RAD21L1: variants seen among roughly 807,000 people sequenced by gnomAD.
RAD21L1 encodes the protein RAD21 cohesin complex component like 1, also known as double-strand-break repair protein rad21-like protein 1.
Under a neutral mutation model 69.0 loss-of-function variants are expected in RAD21L1, and 47 were observed. That is an observed-to-expected ratio of 0.68 (90% CI 0.54 to 0.87). The LOEUF is 0.87. RAD21L1 is among the 40% of genes least tolerant of loss of function. The pLI is 0.00. For missense variants in RAD21L1, 583 were observed against 647.6 expected, an observed-to-expected ratio of 0.90 and a Z score of 1.08; for synonymous variants, 177 against 205.8, an observed-to-expected ratio of 0.86 and a Z score of 1.20.
intron 5 of RAD21L1, among the ~76,000 whole-genome samples, chr20:1,237,297 G>C (rs2087518343): frequency 6.6e-6 from 1 of 152,156 alleles, no homozygotes; most frequent in South Asian, 2.1e-4. Flanking sequence ...TATCAGTGTA[G>C]TGTTGTGATT....
intron 3 of RAD21L1, chr20:1,230,597 C>A: frequency 3.1e-6 from 1 of 324,190 alleles, no homozygotes; most frequent in Non-Finnish European, 4.4e-6. Flanking sequence ...AGTCTTCAAG[C>A]TTCTTGAAGG....
chr20:1,235,646 T>TA (rs1282234520), intron 5 of RAD21L1, among the ~76,000 whole-genome samples: 68 of 152,162 alleles, frequency 4.5e-4, no homozygotes, highest in Non-Finnish European at 6.8e-4. Flanking sequence ...ACTGATCTCT[T>TA]ACTGGCTATA....
intron 12 of RAD21L1, among the ~76,000 whole-genome samples, chr20:1,247,703 C>G (rs1012761388): frequency 6.6e-6 from 1 of 152,096 alleles, no homozygotes; most frequent in Non-Finnish European, 1.5e-5. Flanking sequence ...TATTCTGGTG[C>G]TTTCTGTAAT....
At chr20:1,235,572 C>T (rs1479921664) in intron 5 of RAD21L1, among the ~76,000 whole-genome samples, 1 of 151,992 alleles carries the variant, frequency 6.6e-6, no homozygotes, top group African/African-American at 2.4e-5. Flanking sequence ...TGAAAATGTG[C>T]TTTTATTTCT....
chr20:1,232,952 G>C (rs2087422029), intron 4 of RAD21L1, among the ~76,000 whole-genome samples: 1 of 152,162 alleles, frequency 6.6e-6, no homozygotes, highest in Non-Finnish European at 1.5e-5. Context: ...TTATAAAAGA[G>C]ACCTGTAGGA....
At chr20:1,237,974 T>C in intron 5 of RAD21L1, 70 bp from the exon 6 acceptor site, 1 of 801,322 alleles carries the variant, frequency 1.2e-6, no homozygotes, top group Non-Finnish European at 1.8e-6. Context: ...CTAGATGATA[T>C]CTGAATTTCC....
intron 5 of RAD21L1, among the ~76,000 whole-genome samples, chr20:1,235,635 C>T (rs920618511): frequency 2.6e-5 from 4 of 152,150 alleles, no homozygotes; most frequent in Non-Finnish European, 5.9e-5. Flanking sequence ...CTTTAAGTAG[C>T]ACTGATCTCT....
rs1017903330 is a variant in RAD21L1 at position 1,248,701 on chromosome 20, C to T, written c.1477C>T (p.Arg493Trp). The change falls in exon 13 of 14, where the codon CGG becomes TGG. Residue 493 changes from arginine (R) to tryptophan (W), a missense_variant and splice_region_variant. Transcript: ENST00000683101. ...AATACTTCAGATGTTAAATCGTTTA[C>T]GGGTGAGATGCTAGGGTTTGTCAAC... ...GRILQMLNRL[R>W]ESNKMGMQSF... The T allele has an allele frequency of 1.5e-5, 22 of 1,508,134 alleles. No homozygotes were observed. Among genetic ancestry groups the T allele is most frequent in the South Asian group, 3.8e-5 (3 of 79,908 alleles). 93.4% of individuals were successfully genotyped at this position (1,508,134 alleles called of 1,614,324 possible). A position where few individuals can be genotyped will look rare whatever the true frequency, so the allele number is the denominator to read the frequency against.
chr20:1,254,158 G>A, intron 13 of RAD21L1, 111 bp from the exon 14 acceptor site: 1 of 675,830 alleles, frequency 1.5e-6, no homozygotes, highest in South Asian at 2.6e-5. Flanking sequence ...GGATTTTATA[G>A]TCATTTATCC....
chr20:1,242,321 C>T (rs2087622846), intron 8 of RAD21L1, among the ~76,000 whole-genome samples: 2 of 152,284 alleles, frequency 1.3e-5, no homozygotes, highest in Middle Eastern at 3.4e-3. Context: ...CAACCTCTGC[C>T]ACTCAGGCTC....
intron 11 of RAD21L1, among the ~76,000 whole-genome samples, chr20:1,244,993 C>A (rs571042319): frequency 2.0e-5 from 3 of 152,272 alleles, no homozygotes; most frequent in African/African-American, 7.2e-5. Flanking sequence ...CTCTCCCTCA[C>A]TTGGGCTCAG....
intron 4 of RAD21L1, 57 bp downstream of exon 4, chr20:1,231,676 T>A: frequency 1.1e-6 from 1 of 908,358 alleles, no homozygotes; most frequent in Non-Finnish European, 1.7e-6. Flanking sequence ...TGTTTTTATA[T>A]TCAAATTTAA....
At chr20:1,231,696 A>G in intron 4 of RAD21L1, 77 bp downstream of exon 4, 2 of 767,518 alleles carry the variant, frequency 2.6e-6, no homozygotes, top group African/African-American at 1.8e-5. Flanking sequence ...ATTGAGTCAA[A>G]TGGAATGTAG....
chr20:1,229,876 A>T lies in RAD21L1; in HGVS notation c.145-4A>T. On this transcript the variant is annotated splice_region_variant and splice_polypyrimidine_tract_variant and intron_variant, in intron 2 of 13. Transcript: ENST00000683101. ...TCTTCTAATACTTCAAAAATTATTG[A>T]AAGGTGAAAATAGCACTTCGAACTT... 1 of 1,544,586 alleles carries T rather than the reference A, an allele frequency of 6.5e-7. No individual in the cohort carries two copies. The highest frequency in any genetic ancestry group is 8.8e-7 in the Non-Finnish European group (1 of 1,141,790).
chr20:1,242,683 T>G lies in RAD21L1; in HGVS notation c.921T>G (p.Ser307Arg), dbSNP rs781779176. ...RLLIDPIKEL[S>R]SKVIHKQLTS... is the part of the protein sequence containing the mutation. Reference sequence around the variant, plus strand: ...TCATAGATCCTATCAAGGAGCTCAGTAGCAAAGTTATACATAAACAGCTTA... The same window carrying G: ...TCATAGATCCTATCAAGGAGCTCAGGAGCAAAGTTATACATAAACAGCTTA... The change falls in exon 9 of 14, where the codon AGT (serine) becomes AGG (arginine). Residue 307 changes from serine to arginine, a missense_variant. Transcript: ENST00000683101. 2.4e-5 allele frequency: 37 copies of G among 1,551,514 alleles called. No individual in the cohort carries two copies. Among genetic ancestry groups the G allele is most frequent in the Middle Eastern group, 1.7e-4 (1 of 6,014 alleles).
At position 1,228,535 on chromosome 20, in the gene RAD21L1, A is replaced by G; in HGVS notation, c.82A>G (p.Thr28Ala). 6.5e-7 allele frequency: 1 copy of G among 1,549,144 alleles called. No homozygotes were observed. ...WLAAHWEKKL[T>A]KAHVFECNLE... ...TGCAGCTCACTGGGAGAAGAAACTC[A>G]CAAAGGCCCATGTATTTGAATGTAA... The change falls in exon 2 of 14, where the codon ACA becomes GCA. Residue 28 changes from threonine (T) to alanine (A), a missense_variant. Thr to Ala is a moderately conservative substitution (Grantham distance 58). Coordinates refer to ENST00000683101, the MANE Select transcript of RAD21L1 (RefSeq NM_001384355.1).
chr20:1,228,475 A>C lies in RAD21L1; in HGVS notation c.22A>C (p.Met8Leu). The C allele has an allele frequency of 6.5e-7, 1 of 1,549,368 alleles. No homozygotes were observed. The highest frequency in any genetic ancestry group is 8.7e-7 in the Non-Finnish European group (1 of 1,146,154). The part of the protein sequence containing the change: MFYTHVL[M>L]SKRGPLAKIW... ...CAACATGTTCTACACACATGTGCTT[A>C]TGAGTAAACGAGGGCCATTGGCCAA... The change falls in exon 2 of 14, where the codon ATG becomes CTG. Residue 8 changes from methionine (M) to leucine (L), a missense_variant. Met to Leu is a conservative substitution (Grantham distance 15). Transcript: ENST00000683101.
At position 1,227,883 on chromosome 20, in the gene RAD21L1, TC is replaced by T. The variant is rs1268515415; in HGVS notation, c.-32-536del. Among the ~76,000 whole-genome samples, 8 of 152,098 alleles carry T rather than the reference TC, an allele frequency of 5.3e-5. No homozygotes were observed. In the East Asian group the frequency reaches 1.5e-3, roughly 29 times the overall value. The stretch of plus-strand genomic sequence containing the variant: ...CTCCACTCCACTCCACTTTTTGGAG[TC>T]CCGTGATTTTAACTTCAAAAATTAA... On this transcript the variant is annotated intron_variant, in intron 1 of 13. Coordinates refer to ENST00000683101, the MANE Select transcript of RAD21L1 (RefSeq NM_001384355.1).
chr20:1,253,549 G>A (rs1398697676), intron 13 of RAD21L1, among the ~76,000 whole-genome samples: 3 of 151,988 alleles, frequency 2.0e-5, no homozygotes, highest in South Asian at 2.1e-4. Flanking sequence ...TGCCCTCCTC[G>A]GCCTCCCAAA....
Sources: gnomAD v4.1 joint callset for allele counts (sites outside exome capture counted in the v4.1 genomes callset) on GRCh38, gnomAD v4.1.1 for gene constraint, MANE v1.5 for transcripts, NCBI Gene and HGNC (gene_info 2026-07-23, HGNC 2026-07-21) for gene names.